Variants in JAZF1 observed in about 807,000 individuals in gnomAD.
The protein encoded by JAZF1 is juxtaposed with another zinc finger protein 1.
JAZF1 carries 8 observed loss-of-function variants against 26.4 expected under a neutral mutation model. The ratio of observed to expected loss-of-function variants is 0.30; its 90% CI spans 0.18 to 0.55. The LOEUF is 0.55. JAZF1 is among the 20% of genes least tolerant of loss of function. JAZF1 has a pLI of 0.94. For synonymous variants in JAZF1, 126 were observed against 122.3 expected, an observed-to-expected ratio of 1.03 and a Z score of -0.20; for missense variants, 199 against 322.0, an observed-to-expected ratio of 0.62 and a Z score of 2.92.
chr7:28,076,161 TC>T (rs1470118206), intron 1 of JAZF1, among the ~76,000 whole-genome samples: 1 of 152,180 alleles, frequency 6.6e-6, no homozygotes, highest in Non-Finnish European at 1.5e-5. Flanking sequence ...CAGCTTCCGC[TC>T]CCGGCTCATT....
At chr7:27,928,111 C>T (rs1784628635) in intron 2 of JAZF1, among the ~76,000 whole-genome samples, 1 of 152,174 alleles carries the variant, frequency 6.6e-6, no homozygotes, top group African/African-American at 2.4e-5. Context: ...GATGGCTATA[C>T]TTAAAATGCT....
chr7:28,040,032 G>A (rs936048566), intron 1 of JAZF1, among the ~76,000 whole-genome samples: 15 of 152,148 alleles, frequency 9.9e-5, no homozygotes, highest in African/African-American at 2.7e-4. Context: ...CTTTCAGAAA[G>A]TCCTCAAACT....
At chr7:28,040,958 T>C (rs1783379994) in intron 1 of JAZF1, among the ~76,000 whole-genome samples, 1 of 152,124 alleles carries the variant, frequency 6.6e-6, no homozygotes, top group Non-Finnish European at 1.5e-5. Context: ...AATGTTCTAT[T>C]AAGGAAAGGA....
At chr7:28,180,212 G>T in intron 1 of JAZF1, 1 of 118,572 alleles carries the variant, frequency 8.4e-6, no homozygotes, top group South Asian at 2.2e-4. Context: ...GCACGCCCCT[G>T]AGTCCCCCAG....
intron 1 of JAZF1, among the ~76,000 whole-genome samples, chr7:28,076,371 T>C (rs917523229): frequency 1.3e-5 from 2 of 152,198 alleles, no homozygotes; most frequent in African/African-American, 4.8e-5. Flanking sequence ...AAATTCAACA[T>C]TGATATATCA....
intron 1 of JAZF1, among the ~76,000 whole-genome samples, chr7:28,074,272 T>A (rs1385724445): frequency 1.3e-5 from 2 of 152,236 alleles, no homozygotes; most frequent in Non-Finnish European, 2.9e-5. Flanking sequence ...AACTTGTGGC[T>A]AAATTTAGTA....
intron 4 of JAZF1, among the ~76,000 whole-genome samples, chr7:27,836,833 T>C (rs1782822364): frequency 6.6e-6 from 1 of 152,124 alleles, no homozygotes; most frequent in Non-Finnish European, 1.5e-5. Flanking sequence ...CCCTCAGTCA[T>C]TTAAATAACA....
chr7:27,869,545 T>G (rs1320776821), intron 3 of JAZF1, among the ~76,000 whole-genome samples: 1 of 152,110 alleles, frequency 6.6e-6, no homozygotes, highest in Non-Finnish European at 1.5e-5. Context: ...AGACAGATGA[T>G]TAAATGGACA....
intron 4 of JAZF1, among the ~76,000 whole-genome samples, chr7:27,839,313 TG>T (rs1782879070): frequency 6.6e-6 from 1 of 152,120 alleles, no homozygotes; most frequent in South Asian, 2.1e-4. Flanking sequence ...GAGGAACAGC[TG>T]GGGGAGACGC....
chr7:28,126,102 C>T (rs1039347716), intron 1 of JAZF1, among the ~76,000 whole-genome samples: 4 of 152,100 alleles, frequency 2.6e-5, no homozygotes, highest in East Asian at 1.9e-4. Context: ...AATGGAGGCA[C>T]CAGGAAGGGG....
intron 2 of JAZF1, among the ~76,000 whole-genome samples, chr7:27,988,856 G>T (rs1445620032): frequency 2.2e-5 from 3 of 138,242 alleles, no homozygotes; most frequent in African/African-American, 8.0e-5. Flanking sequence ...GTCAGTAGTT[G>T]TATGATGGGA....
At chr7:28,110,615 A>G (rs199542460) in intron 1 of JAZF1, among the ~76,000 whole-genome samples, 3,380 of 128,102 alleles carry the variant, frequency 0.026, 158 homozygotes, top group East Asian at 0.24. Context: ...AAAGGAAAGG[A>G]AAAGGAAAGG....
chr7:27,833,093 CT>C, intron 4 of JAZF1, 117 bp from the exon 5 acceptor site: 1 of 732,966 alleles, frequency 1.4e-6, no homozygotes, highest in Non-Finnish European at 2.1e-6. Context: ...AGAGTGTAGT[CT>C]TTTGCAAGGA....
At chr7:28,101,688 G>C (rs1251525428) in intron 1 of JAZF1, among the ~76,000 whole-genome samples, 3 of 151,854 alleles carry the variant, frequency 2.0e-5, no homozygotes, top group African/African-American at 7.3e-5. Context: ...AGGCTGCAGT[G>C]AGCTGTGATC....
At chr7:27,837,251 T>C (rs1782832505) in intron 4 of JAZF1, among the ~76,000 whole-genome samples, 1 of 152,244 alleles carries the variant, frequency 6.6e-6, no homozygotes, top group Admixed American at 6.5e-5. Flanking sequence ...CTTCAACCCA[T>C]CTTTTAAACC....
chr7:27,833,107 C>A, intron 4 of JAZF1, 131 bp from the exon 5 acceptor site: 1 of 597,798 alleles, frequency 1.7e-6, no homozygotes, highest in Non-Finnish European at 2.8e-6. Flanking sequence ...TGCAAGGACT[C>A]CAGTTGGGAC....
At chr7:27,889,095 A>T (rs958038530) in intron 3 of JAZF1, among the ~76,000 whole-genome samples, 1 of 152,208 alleles carries the variant, frequency 6.6e-6, no homozygotes, top group Admixed American at 6.5e-5. Context: ...CATGTTTTAA[A>T]ACAGTGGTTT....
intron 1 of JAZF1, among the ~76,000 whole-genome samples, chr7:28,166,007 G>T (rs1298936944): frequency 6.6e-6 from 1 of 151,850 alleles, no homozygotes; most frequent in Non-Finnish European, 1.5e-5. Flanking sequence ...TAAAAAAAAA[G>T]CATTTAATTA....
chr7:27,979,460 C>T (rs1021191748), intron 2 of JAZF1, among the ~76,000 whole-genome samples: 3 of 125,476 alleles, frequency 2.4e-5, no homozygotes, highest in Non-Finnish European at 4.7e-5. Context: ...CCCATCATAG[C>T]TAACTGTAGC....
Sources: allele counts gnomAD v4.1 joint callset (sites outside exome capture counted in the v4.1 genomes callset), GRCh38; gene constraint gnomAD v4.1.1; transcripts MANE v1.5; gene names NCBI Gene and HGNC (gene_info 2026-07-23, HGNC 2026-07-21).